The following WDPCP variants were observed in gnomAD, a reference collection of about 807,000 sequenced individuals.
The protein encoded by WDPCP is WD repeat containing planar cell polarity effector.
A neutral mutation model predicts 93.1 loss-of-function variants in WDPCP; 71 were observed. The observed-to-expected ratio is 0.76, with a 90% CI of 0.63 to 0.93. WDPCP has a LOEUF of 0.93. Among genes scored for constraint, WDPCP ranks in the 40% least tolerant of loss-of-function variants. WDPCP has a pLI of 0.00. For synonymous variants in WDPCP, 315 were observed against 315.0 expected, an observed-to-expected ratio of 1.00 and a Z score of 0.00; for missense variants, 844 against 887.4, an observed-to-expected ratio of 0.95 and a Z score of 0.62.
At chr2:63,510,813 A>C (rs1188383731) in intron 1 of WDPCP, among the ~76,000 whole-genome samples, 2 of 152,090 alleles carry the variant, frequency 1.3e-5, no homozygotes, top group East Asian at 3.9e-4. Context: ...TCTACTAAAA[A>C]ATACCAAAAA....
intron 2 of WDPCP, among the ~76,000 whole-genome samples, chr2:63,655,739 G>A (rs1203169107): frequency 6.6e-6 from 1 of 152,122 alleles, no homozygotes; most frequent in African/African-American, 2.4e-5. Context: ...CACAAAAGGT[G>A]TAATACTATA....
intron 6 of WDPCP, among the ~76,000 whole-genome samples, chr2:63,444,944 C>G (rs1236104960): frequency 6.6e-6 from 1 of 152,116 alleles, no homozygotes; most frequent in African/African-American, 2.4e-5. Flanking sequence ...GGTGAGCTTT[C>G]TCTTTAAGAA....
intron 6 of WDPCP, among the ~76,000 whole-genome samples, chr2:63,467,006 T>A (rs976009751): frequency 1.3e-5 from 2 of 152,186 alleles, no homozygotes; most frequent in African/African-American, 4.8e-5. Context: ...TACAAAGATA[T>A]ATTATTAAAA....
chr2:63,447,287 T>C (rs114705578), intron 6 of WDPCP, among the ~76,000 whole-genome samples: 1,584 of 152,182 alleles, frequency 0.01, 17 homozygotes, highest in African/African-American at 0.033. Context: ...AGAGATAAAA[T>C]TGGAACCCAG....
intron 14 of WDPCP, among the ~76,000 whole-genome samples, chr2:63,211,630 GAGA>G (rs1676814175): frequency 6.6e-6 from 1 of 152,180 alleles, no homozygotes; most frequent in South Asian, 2.1e-4. Flanking sequence ...GACGAGTTGA[GAGA>G]AGAAGGCTTC....
At chr2:63,300,306 T>A (rs1277388716) in intron 13 of WDPCP, among the ~76,000 whole-genome samples, 1 of 152,172 alleles carries the variant, frequency 6.6e-6, no homozygotes, top group East Asian at 1.9e-4. Context: ...AGCCACTTCA[T>A]AATGGGAACC....
intron 2 of WDPCP, among the ~76,000 whole-genome samples, chr2:63,733,921 C>G (rs1474379899): frequency 6.6e-6 from 1 of 152,184 alleles, no homozygotes. Flanking sequence ...TCCCCCTCTT[C>G]CCAGCGTCTG....
chr2:63,601,300 T>C lies in WDPCP; in HGVS notation n.488+49359A>G, dbSNP rs188662007. 2.6e-5 allele frequency among the ~76,000 whole-genome samples: 4 copies of C among 152,352 alleles called. No homozygotes were observed. The East Asian group carries it at 7.7e-4, about 29-fold the overall frequency. ...TTTTCTTACAGGACTGGTTGCTAGA[T>C]ATTTTTGTCTTGGAATTCAGAGGCC... On this transcript the variant is annotated intron_variant and non_coding_transcript_variant, in intron 3 of 4. Coordinates refer to the WDPCP transcript ENST00000467687.
Position 63,622,938 on chromosome 2 carries a change from G to C in WDPCP, n.488+27721C>G, listed in dbSNP as rs565411703. 163 of 945,068 alleles carry C rather than the reference G, an allele frequency of 1.7e-4. No homozygotes were observed. The African/African-American group carries it at 2.2e-3, about 13-fold the overall frequency. 58.5% of individuals were successfully genotyped at this position (945,068 alleles called of 1,614,324 possible). On this transcript the variant is annotated intron_variant and non_coding_transcript_variant, in intron 3 of 4. Coordinates refer to the WDPCP transcript ENST00000467687. Reference sequence around the variant, plus strand: ...GGGGCTCGGCGCACACCTGCTGCCAGGCTCGTAGCTCAGTCACCACCGCAC... The same window carrying C: ...GGGGCTCGGCGCACACCTGCTGCCACGCTCGTAGCTCAGTCACCACCGCAC...
intron 3 of WDPCP, among the ~76,000 whole-genome samples, chr2:63,624,097 C>T (rs569704104): frequency 1.3e-5 from 2 of 152,174 alleles, no homozygotes; most frequent in East Asian, 1.9e-4. Context: ...GGGTAAATAA[C>T]GAAATTAAGG....
rs145918446 is a variant in WDPCP at position 63,684,422 on chromosome 2, C to T, written n.309-33584G>A. 502 of 840,078 alleles carry T rather than the reference C, an allele frequency of 6.0e-4. 2 individuals are homozygous for T. The East Asian group carries it at 0.011, about 18-fold the overall frequency. 52.0% of individuals were successfully genotyped at this position (840,078 alleles called of 1,614,324 possible). A position where few individuals can be genotyped will look rare whatever the true frequency, so the allele number is the denominator to read the frequency against. Reference sequence around the variant, plus strand: ...ATGGCACCTCAGATCGCCCCTACAGCCACCTCTGGTGGCTGGAATTGACTG... The same window carrying T: ...ATGGCACCTCAGATCGCCCCTACAGTCACCTCTGGTGGCTGGAATTGACTG... On this transcript the variant is annotated intron_variant and non_coding_transcript_variant, in intron 2 of 4. Coordinates refer to the WDPCP transcript ENST00000467687.
chr2:63,674,716 A>G (rs961933960), intron 2 of WDPCP, among the ~76,000 whole-genome samples: 3 of 76,160 alleles, frequency 3.9e-5, no homozygotes, highest in Non-Finnish European at 8.0e-5. Context: ...TCTTGACGCT[A>G]CAAAAAAAAA....
At chr2:63,124,354 G>A (rs549318141) in intron 17 of WDPCP, among the ~76,000 whole-genome samples, 4 of 151,902 alleles carry the variant, frequency 2.6e-5, no homozygotes, top group African/African-American at 9.7e-5. Context: ...GAAACTACGT[G>A]TTAATTCTTG....
chr2:63,702,186 C>A (rs1039415119), intron 2 of WDPCP, among the ~76,000 whole-genome samples: 9 of 151,744 alleles, frequency 5.9e-5, no homozygotes, highest in Non-Finnish European at 1.3e-4. Flanking sequence ...CCACCACACC[C>A]GGCTAATTTT....
At chr2:63,329,792 T>C (rs1687843244) in intron 12 of WDPCP, among the ~76,000 whole-genome samples, 1 of 152,200 alleles carries the variant, frequency 6.6e-6, no homozygotes, top group African/African-American at 2.4e-5. Context: ...TCCTATTCTG[T>C]ATTACTATGA....
chr2:63,375,963 A>G (rs537012034), intron 12 of WDPCP, among the ~76,000 whole-genome samples: 2 of 151,996 alleles, frequency 1.3e-5, no homozygotes, highest in South Asian at 4.2e-4. Context: ...GGGATATTCC[A>G]TTGTCTAATA....
chr2:63,733,871 C>T (rs1366320632), intron 2 of WDPCP, among the ~76,000 whole-genome samples: 1 of 152,136 alleles, frequency 6.6e-6, no homozygotes, highest in East Asian at 1.9e-4. Flanking sequence ...ATTTTCATCA[C>T]CATAAAAAAA....
chr2:63,729,656 C>T (rs1447613323), intron 2 of WDPCP, among the ~76,000 whole-genome samples: 4 of 152,128 alleles, frequency 2.6e-5, no homozygotes, highest in Non-Finnish European at 5.9e-5. Context: ...AAATATTGCA[C>T]AACTCAATTT....
chr2:63,723,620 T>C (rs1013650149), intron 2 of WDPCP, among the ~76,000 whole-genome samples: 5 of 152,204 alleles, frequency 3.3e-5, no homozygotes, highest in African/African-American at 4.8e-5. Context: ...TGAATATATA[T>C]TAATGTCAGT....
Sources: allele counts gnomAD v4.1 joint callset (sites outside exome capture counted in the v4.1 genomes callset), GRCh38; gene constraint gnomAD v4.1.1; transcripts MANE v1.5; gene names NCBI Gene and HGNC (gene_info 2026-07-23, HGNC 2026-07-21).